TNFAIP8: variants seen among roughly 807,000 people sequenced by gnomAD.
TNFAIP8 encodes the protein tumor necrosis factor alpha-induced protein 8.
Under a neutral mutation model 13.3 loss-of-function variants are expected in TNFAIP8, and 7 were observed. The observed-to-expected ratio is 0.52, with a 90% CI of 0.30 to 0.99. The LOEUF (loss-of-function observed/expected upper bound fraction) is 0.99, where lower values mean the gene tolerates loss of function less well. Ranked by LOEUF, TNFAIP8 falls within the 50% of genes least tolerant of loss-of-function variation. The pLI, the probability that TNFAIP8 is intolerant of heterozygous loss-of-function variation, is 0.07. For synonymous variants in TNFAIP8, 94 were observed against 87.6 expected (o/e 1.07, Z -0.41); for missense variants, 258 against 236.9 (o/e 1.09, Z -0.58).
At chr5:119,286,447 C>T (rs925404178) in intron 1 of TNFAIP8, among the ~76,000 whole-genome samples, 2 of 152,084 alleles carry the variant, frequency 1.3e-5, no homozygotes, top group Non-Finnish European at 2.9e-5. Context: ...CGGTGAAACC[C>T]CGTCTCTACT....
chr5:119,351,799 T>C (rs552146729), upstream of TNFAIP8, among the ~76,000 whole-genome samples: 10 of 149,522 alleles, frequency 6.7e-5, no homozygotes, highest in South Asian at 1.5e-3. Context: ...TTTTTTTCTT[T>C]TTTTTTTTGA....
chr5:119,321,437 A>G (rs557136572), intron 1 of TNFAIP8, among the ~76,000 whole-genome samples: 3 of 152,216 alleles, frequency 2.0e-5, no homozygotes, highest in Non-Finnish European at 2.9e-5. Context: ...TGTATTTAAC[A>G]CATTTTTCCC....
intron 1 of TNFAIP8, among the ~76,000 whole-genome samples, chr5:119,342,579 T>A (rs1248168519): frequency 6.6e-6 from 1 of 152,228 alleles, no homozygotes; most frequent in Admixed American, 6.5e-5. Context: ...GGAAAATTTC[T>A]TGAATGAATA....
intron 1 of TNFAIP8, chr5:119,391,241 G>A (rs764243337): frequency 5.4e-6 from 3 of 552,076 alleles, no homozygotes; most frequent in African/African-American, 1.9e-5. Context: ...GCTTCCTAAT[G>A]ATGCTAGCCT....
At chr5:119,359,581 C>G (rs796819791) in intron 1 of TNFAIP8, among the ~76,000 whole-genome samples, 28 of 152,132 alleles carry the variant, frequency 1.8e-4, no homozygotes, top group African/African-American at 6.7e-4. Flanking sequence ...TTAGTTGTTC[C>G]GTAGTGGTGA....
chr5:119,354,694 A>G (rs1751314957), upstream of TNFAIP8: 1 of 152,506 alleles, frequency 6.6e-6, no homozygotes, highest in East Asian at 1.9e-4. Flanking sequence ...TCATTTTACA[A>G]ATGAGGAACT....
chr5:119,304,152 T>C (rs956281596), intron 1 of TNFAIP8, among the ~76,000 whole-genome samples: 4 of 152,132 alleles, frequency 2.6e-5, no homozygotes, highest in African/African-American at 7.2e-5. Flanking sequence ...ACGGTCTTGC[T>C]CTGTTGCCCA....
intron 1 of TNFAIP8, among the ~76,000 whole-genome samples, chr5:119,321,169 A>G (rs912111129): frequency 6.6e-6 from 1 of 152,170 alleles, no homozygotes; most frequent in Non-Finnish European, 1.5e-5. Context: ...GTGAGCCGAG[A>G]TCGAGCCACT....
At chr5:119,329,210 C>G (rs1200518967) in intron 1 of TNFAIP8, among the ~76,000 whole-genome samples, 1 of 152,206 alleles carries the variant, frequency 6.6e-6, no homozygotes, top group Non-Finnish European at 1.5e-5. Context: ...CTTGCCAACA[C>G]CCAAGTTATC....
At chr5:119,273,617 A>C (rs185339279) in intron 1 of TNFAIP8, among the ~76,000 whole-genome samples, 1 of 152,212 alleles carries the variant, frequency 6.6e-6, no homozygotes, top group Non-Finnish European at 1.5e-5. Flanking sequence ...CAAAAGACCT[A>C]TTACAGTTAA....
intron 1 of TNFAIP8, among the ~76,000 whole-genome samples, chr5:119,328,368 A>G (rs780820053): frequency 6.6e-6 from 1 of 152,226 alleles, no homozygotes; most frequent in Non-Finnish European, 1.5e-5. Context: ...AAATAGCCAC[A>G]TGGGTAAAAC....
intron 1 of TNFAIP8, among the ~76,000 whole-genome samples, chr5:119,299,310 A>G (rs1449631391): frequency 1.3e-5 from 2 of 151,948 alleles, no homozygotes; most frequent in Non-Finnish European, 2.9e-5. Flanking sequence ...TCTGTTTGTT[A>G]GTTTTCCTTC....
chr5:119,384,548 T>C (rs1338751882), intron 1 of TNFAIP8, among the ~76,000 whole-genome samples: 1 of 152,128 alleles, frequency 6.6e-6, no homozygotes, highest in Non-Finnish European at 1.5e-5. Flanking sequence ...GATAATGTAG[T>C]ACAAATTCAA....
At chr5:119,337,233 A>C (rs80327020) in intron 1 of TNFAIP8, among the ~76,000 whole-genome samples, 2,010 of 152,316 alleles carry the variant, frequency 0.013, 15 homozygotes, top group Non-Finnish European at 0.019. Flanking sequence ...GATTTACCTC[A>C]TCATCATATC....
chr5:119,280,078 C>T lies in TNFAIP8; in HGVS notation c.1+11171C>T, dbSNP rs116759165. ...ATTGTAAAACATAAATATCAAAAAG[C>T]CACACAAAACAAATGTACACAACTT... On this transcript the variant is annotated intron_variant, in intron 1 of 1. Transcript: ENST00000274456. Among the ~76,000 whole-genome samples, 548 of 152,086 alleles carry T rather than the reference C, an allele frequency of 3.6e-3. 5 individuals are homozygous for T. The highest frequency in any genetic ancestry group is 0.013 in the African/African-American group (532 of 41,480).
intron 1 of TNFAIP8, among the ~76,000 whole-genome samples, chr5:119,305,224 G>A (rs190500606): frequency 6.6e-6 from 1 of 152,010 alleles, no homozygotes; most frequent in Non-Finnish European, 1.5e-5. Flanking sequence ...AGTCATTTTC[G>A]GGCTTTCTTC....
At chr5:119,346,399 A>C (rs1276035612) in intron 1 of TNFAIP8, among the ~76,000 whole-genome samples, 1 of 152,170 alleles carries the variant, frequency 6.6e-6, no homozygotes, top group Non-Finnish European at 1.5e-5. Context: ...TCTTTCTGTA[A>C]TGTCTCTACA....
At chr5:119,288,390 C>T (rs990919414) in intron 1 of TNFAIP8, among the ~76,000 whole-genome samples, 1 of 152,154 alleles carries the variant, frequency 6.6e-6, no homozygotes, top group African/African-American at 2.4e-5. Context: ...CTAAAAGGCA[C>T]GGTCTTATTC....
chr5:119,371,624 A>AT (rs1752076186), intron 1 of TNFAIP8, among the ~76,000 whole-genome samples: 2 of 152,042 alleles, frequency 1.3e-5, no homozygotes, highest in Non-Finnish European at 2.9e-5. Flanking sequence ...ACTTGAATTC[A>AT]TTTTTTTCTC....
Sources: gnomAD v4.1 joint callset for allele counts (sites outside exome capture counted in the v4.1 genomes callset) on GRCh38, gnomAD v4.1.1 for gene constraint, MANE v1.5 for transcripts, NCBI Gene and HGNC (gene_info 2026-07-23, HGNC 2026-07-21) for gene names.